The following RBL2 variants were observed in gnomAD, a reference collection of about 807,000 sequenced individuals.
RBL2 encodes the protein retinoblastoma-like protein 2.
A neutral mutation model predicts 126.0 loss-of-function variants in RBL2; 56 were observed. The ratio of observed to expected loss-of-function variants is 0.44; its 90% confidence interval spans 0.36 to 0.56. RBL2 has a LOEUF of 0.56. RBL2 is among the 20% of genes least tolerant of loss of function. The probability of loss-of-function intolerance (pLI) is 0.00; values close to 1 mark genes in which losing one functional copy is unlikely to be tolerated. For missense variants in RBL2, 1,229 were observed against 1,398.2 expected, an observed-to-expected ratio of 0.88 and a Z score of 1.93; for synonymous variants, 454 against 478.5, an observed-to-expected ratio of 0.95 and a Z score of 0.67.
At chr16:53,448,483 T>A (rs542577276) in intron 4 of RBL2, among the ~76,000 whole-genome samples, 1 of 149,996 alleles carries the variant, frequency 6.7e-6, no homozygotes, top group South Asian at 2.1e-4. Flanking sequence ...CTTTATTTTT[T>A]ATTTTTATTT....
intron 17 of RBL2, among the ~76,000 whole-genome samples, chr16:53,477,771 G>A (rs1960788633): frequency 6.6e-6 from 1 of 151,880 alleles, no homozygotes; most frequent in Non-Finnish European, 1.5e-5. Flanking sequence ...TTACATTTTT[G>A]TATGTTATGG....
At position 53,479,178 on chromosome 16, in the gene RBL2, CAG is replaced by C. The variant is rs1437736636; in HGVS notation, c.2730_2731del (p.Asn911HisfsTer6). 5.0e-6 allele frequency: 8 copies of C among 1,613,766 alleles called. No individual in the cohort carries two copies. ...GGTCACAAAAGAAGATAAGTCCTTC[CAG>C]AACATTATGCGTTGTTATAGGACTC... ...AKVTKEDKSF[Q>X]NIMRCYRTQP... On this transcript the variant is annotated frameshift_variant, in exon 18 of 22. Coordinates refer to ENST00000262133, the MANE Select transcript of RBL2 (RefSeq NM_005611.4). LOFTEE classifies it high-confidence loss of function.
intron 4 of RBL2, among the ~76,000 whole-genome samples, chr16:53,450,152 A>G (rs1305915347): frequency 1.3e-5 from 2 of 152,182 alleles, no homozygotes; most frequent in African/African-American, 2.4e-5. Flanking sequence ...GGCTGTATCA[A>G]TGCACAGTTT....
At chr16:53,482,706 A>G (rs930806646) in intron 21 of RBL2, among the ~76,000 whole-genome samples, 2 of 151,308 alleles carry the variant, frequency 1.3e-5, no homozygotes, top group Non-Finnish European at 2.9e-5. Context: ...GCTACTCGGG[A>G]GGCTAAGGCA....
intron 21 of RBL2, chr16:53,488,156 C>T (rs917506674): frequency 3.9e-5 from 6 of 152,210 alleles, no homozygotes; most frequent in East Asian, 3.8e-4. Flanking sequence ...ACAACCCAAA[C>T]GTCCTTCAGC....
intron 9 of RBL2, 83 bp from the exon 10 acceptor site, chr16:53,461,658 G>T: frequency 3.3e-6 from 3 of 904,648 alleles, no homozygotes; most frequent in Non-Finnish European, 3.3e-6. Context: ...ATATTTACAT[G>T]TTAGTGAAAT....
chr16:53,450,168 G>A (rs906165057), intron 4 of RBL2, among the ~76,000 whole-genome samples: 6 of 152,074 alleles, frequency 3.9e-5, no homozygotes, highest in Non-Finnish European at 8.8e-5. Context: ...AGTTTAATGT[G>A]TTGATTATCG....
intron 10 of RBL2, 93 bp downstream of exon 10, chr16:53,461,943 A>G (rs2058225495): frequency 8.6e-7 from 1 of 1,164,738 alleles, no homozygotes; most frequent in Non-Finnish European, 1.3e-6. Context: ...GAAAAGATTT[A>G]TGACTTTAGA....
At chr16:53,481,923 T>TA in intron 21 of RBL2, 88 bp downstream of exon 21, 1 of 1,417,718 alleles carries the variant, frequency 7.1e-7, no homozygotes. Flanking sequence ...AGGCACTCAT[T>TA]AGAGTGATGA....
chr16:53,448,472 ACTTT>A (rs1408582440), intron 4 of RBL2, among the ~76,000 whole-genome samples: 1 of 149,972 alleles, frequency 6.7e-6, no homozygotes, highest in African/African-American at 2.5e-5. Flanking sequence ...TAACTCATTT[ACTTT>A]ATTTTTTATT....
In RBL2 at chr16:53,490,521, CT is replaced by C. The variant is rs1468567296; in HGVS notation, c.*222del. On this transcript the variant is annotated 3_prime_UTR_variant, in exon 22 of 22. Transcript: ENST00000262133. ...TTTTTTCCCTACCATTCAGTGATTACTGTCAAGGCTGCTTAGAATCCAAACT... is the reference window on the plus strand; with the variant it reads ...TTTTTTCCCTACCATTCAGTGATTACGTCAAGGCTGCTTAGAATCCAAACT... 1 of 380,280 alleles carries C rather than the reference CT, an allele frequency of 2.6e-6. No individual in the cohort carries two copies. Among genetic ancestry groups the C allele is most frequent in the Non-Finnish European group, 4.6e-6 (1 of 215,892 alleles). The allele number at this position is 380,280 out of a possible 1,614,324, so 23.6% of individuals were successfully genotyped here. A position where few individuals can be genotyped will look rare whatever the true frequency, so the allele number is the denominator to read the frequency against.
chr16:53,457,263 T>C lies in RBL2; in HGVS notation c.1180-2188T>C, dbSNP rs1477231550. On this transcript the variant is annotated intron_variant, in intron 8 of 21. Coordinates refer to ENST00000262133, the MANE Select transcript of RBL2 (RefSeq NM_005611.4). ...ATCAGGGTGGGTACAGATAGCTTTT[T>C]TTTTTTTTTTTTTTGAGATGGAGTC... Among the ~76,000 whole-genome samples, 7 of 117,590 alleles carry C rather than the reference T, an allele frequency of 6.0e-5. 1 individual carries two copies. The highest frequency in any genetic ancestry group is 1.2e-4 in the Non-Finnish European group (7 of 56,520). The allele number at this position is 117,590 out of a possible 152,430, so 77.1% of individuals were successfully genotyped here.
chr16:53,457,259 T>A (rs72801832), intron 8 of RBL2, among the ~76,000 whole-genome samples: 1 of 56,500 alleles, frequency 1.8e-5, no homozygotes, highest in African/African-American at 1.4e-4. Context: ...TACAGATAGC[T>A]TTTTTTTTTT....
At chr16:53,454,396 G>C (rs1029098836) in intron 7 of RBL2, 1 of 397,218 alleles carries the variant, frequency 2.5e-6, no homozygotes, top group Non-Finnish European at 4.8e-6. Context: ...GTAGAGACAG[G>C]GTTTCACCAT....
Position 53,434,802 on chromosome 16 carries a change from C to T in RBL2, c.240+6C>T. 1 of 1,487,828 alleles carries T rather than the reference C, an allele frequency of 6.7e-7. No homozygotes were observed. The highest frequency in any genetic ancestry group is 9.0e-7 in the Non-Finnish European group (1 of 1,116,498). The allele number at this position is 1,487,828 out of a possible 1,614,324, so 92.2% of individuals were successfully genotyped here. A position where few individuals can be genotyped will look rare whatever the true frequency, so the allele number is the denominator to read the frequency against. ...GCGAAAGCTACACGCTGGAGGTGCG[C>T]TCGCGGGCGGAGGGGCGCTTCCGGC... is the stretch of plus-strand genomic sequence containing the variant. On this transcript the variant is annotated splice_donor_region_variant and intron_variant, in intron 1 of 21. Transcript: ENST00000262133.
intron 11 of RBL2, among the ~76,000 whole-genome samples, chr16:53,463,876 G>GT (rs1470718234): frequency 6.6e-6 from 1 of 151,964 alleles, no homozygotes; most frequent in Non-Finnish European, 1.5e-5. Context: ...CCCCCTTTCA[G>GT]TTTTTTATAG....
Position 53,470,867 on chromosome 16 carries a change from T to G in RBL2, c.2648T>G (p.Met883Arg). 1 of 1,614,236 alleles carries G rather than the reference T, an allele frequency of 6.2e-7. No individual in the cohort carries two copies. Among genetic ancestry groups the G allele is most frequent in the Non-Finnish European group, 8.5e-7 (1 of 1,180,034 alleles). ...TCCATAATTCAGTGTCCTGAACTTA[T>G]GATGGACAGACATCTGGACCAGTTA... ...EFSIIQCPEL[M>R]MDRHLDQLLM... is the part of the protein sequence containing the mutation. The change falls in exon 17 of 22, where the codon ATG (methionine) becomes AGG (arginine). Residue 883 changes from methionine (M) to arginine (R), a missense_variant. Coordinates refer to ENST00000262133, the MANE Select transcript of RBL2 (RefSeq NM_005611.4).
At chr16:53,473,052 T>C (rs76391911) in intron 17 of RBL2, among the ~76,000 whole-genome samples, 2,042 of 152,332 alleles carry the variant, frequency 0.013, 51 homozygotes, top group African/African-American at 0.045. Context: ...TCTATTCCAC[T>C]GGACTATATG....
At chr16:53,483,204 A>G (rs1184664279) in intron 21 of RBL2, among the ~76,000 whole-genome samples, 2 of 152,176 alleles carry the variant, frequency 1.3e-5, no homozygotes, top group Non-Finnish European at 2.9e-5. Context: ...TTAATGATTG[A>G]TAAGTGGCTG....
Sources: allele counts gnomAD v4.1 joint callset (sites outside exome capture counted in the v4.1 genomes callset), GRCh38; gene constraint gnomAD v4.1.1; transcripts MANE v1.5; gene names NCBI Gene and HGNC (gene_info 2026-07-23, HGNC 2026-07-21).